Variants in OXR1 observed in about 807,000 individuals in gnomAD.
The protein encoded by OXR1 is oxidation resistance 1.
Under a neutral mutation model 104.6 loss-of-function variants are expected in OXR1, and 41 were observed. The observed-to-expected ratio is 0.39, with a 90% CI of 0.31 to 0.51. The LOEUF is 0.51. Ranked by LOEUF, OXR1 falls within the 20% of genes least tolerant of loss-of-function variation. The pLI is 0.77. For synonymous variants in OXR1, 348 were observed against 348.4 expected, an observed-to-expected ratio of 1.00 and a Z score of 0.01; for missense variants, 955 against 1,031.9, an observed-to-expected ratio of 0.93 and a Z score of 1.02.
chr8:106,724,373 T>C (rs1833130475), intron 11 of OXR1, among the ~76,000 whole-genome samples: 2 of 152,196 alleles, frequency 1.3e-5, no homozygotes, highest in African/African-American at 4.8e-5. Context: ...TAGCAATATG[T>C]ATTATAAATA....
intron 3 of OXR1, among the ~76,000 whole-genome samples, chr8:106,564,555 C>A (rs772381394): frequency 1.2e-4 from 19 of 152,074 alleles, no homozygotes; most frequent in Non-Finnish European, 2.6e-4. Context: ...ACCAGAGGTA[C>A]AAAGAGGAGC....
intron 3 of OXR1, among the ~76,000 whole-genome samples, chr8:106,519,963 A>G (rs529621678): frequency 1.7e-4 from 26 of 152,228 alleles, no homozygotes; most frequent in Admixed American, 5.9e-4. Context: ...AAGTTACTAA[A>G]CATCTAGTAT....
chr8:106,664,568 T>C (rs1416318779), intron 3 of OXR1, among the ~76,000 whole-genome samples: 1 of 152,242 alleles, frequency 6.6e-6, no homozygotes, highest in Non-Finnish European at 1.5e-5. Flanking sequence ...TTCTGTTTCA[T>C]AGAATTAGGC....
At chr8:106,477,606 C>A (rs1288065336) in intron 2 of OXR1, among the ~76,000 whole-genome samples, 1 of 151,776 alleles carries the variant, frequency 6.6e-6, no homozygotes. Context: ...ATATTTTATG[C>A]ATTTGTGACA....
At chr8:106,601,422 GA>G (rs1295349862) in intron 3 of OXR1, among the ~76,000 whole-genome samples, 1 of 152,190 alleles carries the variant, frequency 6.6e-6, no homozygotes, top group Non-Finnish European at 1.5e-5. Flanking sequence ...TGGGTCTGGT[GA>G]AGCACTCCAG....
intron 3 of OXR1, among the ~76,000 whole-genome samples, chr8:106,596,988 G>A (rs7836690): frequency 0.2 from 30,606 of 151,958 alleles, 3,276 homozygotes; most frequent in East Asian, 0.41. Flanking sequence ...GGGAGGCGGA[G>A]GCTGCAGTGA....
At chr8:106,487,377 T>C (rs945831442) in intron 2 of OXR1, among the ~76,000 whole-genome samples, 4 of 149,288 alleles carry the variant, frequency 2.7e-5, no homozygotes, top group African/African-American at 9.7e-5. Context: ...TTTTTAATTT[T>C]TATGGATACA....
At chr8:106,519,754 C>T in intron 3 of OXR1, among the ~76,000 whole-genome samples, 1 of 152,146 alleles carries the variant, frequency 6.6e-6, no homozygotes, top group Admixed American at 6.6e-5. Context: ...TTGGGTTGTG[C>T]AGGCATTACA....
At chr8:106,637,823 G>A (rs62514888) in intron 3 of OXR1, among the ~76,000 whole-genome samples, 2 of 148,950 alleles carry the variant, frequency 1.3e-5, no homozygotes, top group Non-Finnish European at 1.5e-5. Context: ...GTGCTGTGGC[G>A]CGATCTCGGC....
intron 11 of OXR1, 111 bp from the exon 12 acceptor site, chr8:106,737,409 T>TTACA (rs1834483064): frequency 4.7e-6 from 2 of 424,894 alleles, no homozygotes; most frequent in Non-Finnish European, 8.2e-6. Context: ...GAAATCCTAA[T>TTACA]TACAGTTCTC....
At chr8:106,683,769 T>C (rs1828416945) in intron 5 of OXR1, among the ~76,000 whole-genome samples, 1 of 152,202 alleles carries the variant, frequency 6.6e-6, no homozygotes, top group Non-Finnish European at 1.5e-5. Context: ...GTTCAGACTT[T>C]TTCACGCGTG....
At chr8:106,743,288 A>C (rs1366640041) in intron 15 of OXR1, among the ~76,000 whole-genome samples, 1 of 152,140 alleles carries the variant, frequency 6.6e-6, no homozygotes, top group Non-Finnish European at 1.5e-5. Flanking sequence ...GATGCTGGCA[A>C]GGTTGCAGAG....
In OXR1 at chr8:106,554,765, G is replaced by A. The variant is rs188583013; in HGVS notation, c.220+35626G>A. ...ATGAGAACCAGTGCTCTAAGCCAAT[G>A]TTAGTTGACCTTGGTTGTCCATTAG... On this transcript the variant is annotated intron_variant, in intron 3 of 16. Coordinates refer to ENST00000517566, the MANE Select transcript of OXR1 (RefSeq NM_001198533.2). 1.1e-3 allele frequency among the ~76,000 whole-genome samples: 171 copies of A among 152,262 alleles called. 1 individual carries two copies. The highest frequency in any genetic ancestry group is 4.0e-3 in the African/African-American group (165 of 41,562).
intron 2 of OXR1, among the ~76,000 whole-genome samples, chr8:106,388,291 G>T (rs16874490): frequency 0.025 from 3,732 of 152,274 alleles, 138 homozygotes; most frequent in African/African-American, 0.083. Context: ...TATAGCAAGT[G>T]CTGGAACAAT....
chr8:106,542,639 T>C (rs1272437183), intron 3 of OXR1, among the ~76,000 whole-genome samples: 1 of 152,098 alleles, frequency 6.6e-6, no homozygotes, highest in Non-Finnish European at 1.5e-5. Context: ...TTCCATTCCC[T>C]TCAGTAAAAC....
intron 1 of OXR1, among the ~76,000 whole-genome samples, chr8:106,330,052 A>G (rs1284359022): frequency 6.6e-6 from 1 of 152,194 alleles, no homozygotes; most frequent in Non-Finnish European, 1.5e-5. Flanking sequence ...TGATTTAGCC[A>G]CAGCAACCTT....
intron 3 of OXR1, among the ~76,000 whole-genome samples, chr8:106,667,255 A>G (rs1477064929): frequency 6.6e-6 from 1 of 152,208 alleles, no homozygotes; most frequent in Admixed American, 6.5e-5. Context: ...CGGAATTCTA[A>G]TATGTAACTA....
At position 106,707,138 on chromosome 8, in the gene OXR1, C is replaced by T; in HGVS notation, c.1617C>T (p.His539=). Residue 539 remains histidine (H), a synonymous_variant, in exon 9 of 17, where the codon CAC becomes CAT. Transcript: ENST00000517566. ...AKHKITSADG[H]IESSALLKEK... ...ATAAAATTACATCTGCTGATGGACA[C>T]ATAGAAAGTAAGTGTTATAGAGTAA... The T allele has an allele frequency of 1.2e-6, 2 of 1,612,596 alleles. No individual in the cohort carries two copies. The highest frequency in any genetic ancestry group is 8.5e-7 in the Non-Finnish European group (1 of 1,178,832).
intron 1 of OXR1, 40 bp from the exon 2 acceptor site, chr8:106,359,436 C>A: frequency 1.8e-6 from 1 of 568,840 alleles, no homozygotes; most frequent in Non-Finnish European, 3.2e-6. Flanking sequence ...ACCACATAGA[C>A]CAGGTACTAG....
Sources: allele counts gnomAD v4.1 joint callset (sites outside exome capture counted in the v4.1 genomes callset), GRCh38; gene constraint gnomAD v4.1.1; transcripts MANE v1.5; gene names NCBI Gene and HGNC (gene_info 2026-07-23, HGNC 2026-07-21).